The following VPS37C variants were observed in gnomAD, a reference collection of about 807,000 sequenced individuals.
VPS37C encodes the protein vacuolar protein sorting-associated protein 37C.
VPS37C carries 9 observed loss-of-function variants against 16.1 expected under a neutral mutation model. The observed-to-expected ratio is 0.56, with a 90% CI of 0.34 to 0.97. The LOEUF (loss-of-function observed/expected upper bound fraction) is 0.97, where lower values mean the gene tolerates loss of function less well. Ranked by LOEUF, VPS37C falls within the 50% of genes least tolerant of loss-of-function variation. The pLI is 0.02. For missense variants in VPS37C, 479 were observed against 472.7 expected (o/e 1.01, Z -0.12); for synonymous variants, 207 against 206.4 (o/e 1.00, Z -0.02).
chr11:61,138,473 GGCT>G (rs1861419633), intron 2 of VPS37C: 1 of 440,750 alleles, frequency 2.3e-6, no homozygotes, highest in South Asian at 3.0e-5. Flanking sequence ...TCCAGATTTG[GGCT>G]GGAACGACAG....
chr11:61,131,801 C>A lies in VPS37C; in HGVS notation c.*19G>T. 1 of 1,249,244 alleles carries A rather than the reference C, an allele frequency of 8.0e-7. No individual in the cohort carries two copies. The highest frequency in any genetic ancestry group is 4.0e-5 in the Admixed American group (1 of 24,892). The allele number at this position is 1,249,244 out of a possible 1,614,324, so 77.4% of individuals were successfully genotyped here. ...GAGCGTGGGTGGGACTAGGGAGGGGCCGAGGGCCAGGAGTGTGTCTAATAC... is the reference window on the plus strand; with the variant it reads ...GAGCGTGGGTGGGACTAGGGAGGGGACGAGGGCCAGGAGTGTGTCTAATAC... On this transcript the variant is annotated 3_prime_UTR_variant, in exon 5 of 5. Transcript: ENST00000301765.
chr11:61,137,787 A>G (rs1205355931), intron 2 of VPS37C, among the ~76,000 whole-genome samples: 1 of 152,058 alleles, frequency 6.6e-6, no homozygotes, highest in Non-Finnish European at 1.5e-5. Flanking sequence ...TTTCAACCCA[A>G]TGTTCAGTCA....
chr11:61,138,559 A>G (rs1459425692), intron 2 of VPS37C, 178 bp downstream of exon 2: 1 of 601,504 alleles, frequency 1.7e-6, no homozygotes, highest in East Asian at 2.9e-5. Flanking sequence ...ACTCCCAAGA[A>G]CTCCCAGGAA....
At chr11:61,150,954 C>T (rs1037373414) in intron 1 of VPS37C, among the ~76,000 whole-genome samples, 1 of 152,190 alleles carries the variant, frequency 6.6e-6, no homozygotes, top group African/African-American at 2.4e-5. Context: ...CCGGGTGTTC[C>T]GTACACAGCA....
intron 1 of VPS37C, among the ~76,000 whole-genome samples, chr11:61,151,908 C>A (rs1464775138): frequency 6.6e-6 from 1 of 152,168 alleles, no homozygotes; most frequent in East Asian, 1.9e-4. Flanking sequence ...TTTCTTTGGC[C>A]CATGACTGAC....
At chr11:61,138,572 G>C (rs1861421004) in intron 2 of VPS37C, 165 bp downstream of exon 2, 1 of 636,958 alleles carries the variant, frequency 1.6e-6, no homozygotes, top group Non-Finnish European at 2.7e-6. Context: ...CCCAGGAACT[G>C]GTCTGAAGCC....
Position 61,157,602 on chromosome 11 carries a change from G to A in VPS37C, c.-7+3789C>T, listed in dbSNP as rs972585099. 3.3e-5 allele frequency among the ~76,000 whole-genome samples: 5 copies of A among 152,222 alleles called. No homozygotes were observed. The East Asian group carries it at 9.7e-4, about 29-fold the overall frequency. ...GAATCGGGTTGTTTTTTGTTGTTGG[G>A]TAGTAGAAGTTCTTTACATACTCTG... On this transcript the variant is annotated intron_variant, in intron 1 of 4. Transcript: ENST00000301765.
At chr11:61,161,279 T>C (rs1853469336) in intron 1 of VPS37C, 112 bp downstream of exon 1, 1 of 152,002 alleles carries the variant, frequency 6.6e-6, no homozygotes, top group Non-Finnish European at 1.5e-5. Flanking sequence ...TCTGCCAGGA[T>C]GAGGCGGGCA....
chr11:61,152,607 C>T (rs1331230360), intron 1 of VPS37C, among the ~76,000 whole-genome samples: 1 of 152,166 alleles, frequency 6.6e-6, no homozygotes, highest in African/African-American at 2.4e-5. Context: ...TTGTGCTCCT[C>T]AGCTTGGTAT....
At chr11:61,148,369 G>A (rs540583562) in intron 1 of VPS37C, among the ~76,000 whole-genome samples, 1 of 152,246 alleles carries the variant, frequency 6.6e-6, no homozygotes, top group South Asian at 2.1e-4. Context: ...AGGGCAACTT[G>A]CAAAGTCCAA....
intron 1 of VPS37C, among the ~76,000 whole-genome samples, chr11:61,157,441 G>A (rs1380985711): frequency 6.6e-6 from 1 of 151,566 alleles, no homozygotes; most frequent in Admixed American, 6.6e-5. Context: ...CATCCTAATG[G>A]GTGAAGTGGT....
intron 1 of VPS37C, 31 bp from the exon 2 acceptor site, chr11:61,138,866 C>T: frequency 1.2e-6 from 2 of 1,607,730 alleles, no homozygotes; most frequent in Non-Finnish European, 8.5e-7. Flanking sequence ...AAGTAACGAA[C>T]AGGCAGCCCA....
At chr11:61,148,718 G>GT (rs1357462293) in intron 1 of VPS37C, among the ~76,000 whole-genome samples, 22 of 152,076 alleles carry the variant, frequency 1.4e-4, no homozygotes, top group Non-Finnish European at 2.5e-4. Flanking sequence ...ATTTTTTTGC[G>GT]TTTTTAGTTT....
intron 1 of VPS37C, among the ~76,000 whole-genome samples, chr11:61,145,710 C>T (rs1344188148): frequency 6.6e-6 from 1 of 152,206 alleles, no homozygotes; most frequent in African/African-American, 2.4e-5. Flanking sequence ...CTCCATCACC[C>T]AACGCAAGGG....
Position 61,147,701 on chromosome 11 carries a change from A to C in VPS37C, c.-6-8866T>G, listed in dbSNP as rs142458200. Among the ~76,000 whole-genome samples, 336 of 151,964 alleles carry C rather than the reference A, an allele frequency of 2.2e-3. 2 individuals carry two copies. Among genetic ancestry groups the C allele is most frequent in the African/African-American group, 7.5e-3 (312 of 41,490 alleles). ...CCTTTCCAAGGATAACCTTCAACAAAAAAAAAAAAGCTGGACTGCAAAATG... is the reference window on the plus strand; with the variant it reads ...CCTTTCCAAGGATAACCTTCAACAACAAAAAAAAAGCTGGACTGCAAAATG... On this transcript the variant is annotated intron_variant, in intron 1 of 4. Transcript: ENST00000301765.
chr11:61,159,939 G>C (rs1473341587), intron 1 of VPS37C, among the ~76,000 whole-genome samples: 2 of 149,072 alleles, frequency 1.3e-5, no homozygotes, highest in African/African-American at 2.5e-5. Flanking sequence ...TCCAAACTTG[G>C]CCACTTACTG....
At chr11:61,155,815 G>A (rs908027958) in intron 1 of VPS37C, among the ~76,000 whole-genome samples, 1 of 152,090 alleles carries the variant, frequency 6.6e-6, no homozygotes, top group East Asian at 1.9e-4. Context: ...AATGTTAAAC[G>A]AACAAGTAAA....
At position 61,138,721 on chromosome 11, in the gene VPS37C, A is replaced by G; in HGVS notation, c.93+16T>C. ...TCTGCTGGCCTCTGTTGGGTCCCATACCAGCCTCCCTCTACCTCAGGGGAC... is the reference window on the plus strand; with the variant it reads ...TCTGCTGGCCTCTGTTGGGTCCCATGCCAGCCTCCCTCTACCTCAGGGGAC... On this transcript the variant is annotated intron_variant, in intron 2 of 4. Coordinates refer to ENST00000301765, the MANE Select transcript of VPS37C (RefSeq NM_017966.5). The G allele has an allele frequency of 6.2e-7, 1 of 1,613,562 alleles. No individual in the cohort carries two copies. The highest frequency in any genetic ancestry group is 2.2e-5 in the East Asian group (1 of 44,872).
At chr11:61,158,402 AC>A (rs956078495) in intron 1 of VPS37C, among the ~76,000 whole-genome samples, 2 of 152,228 alleles carry the variant, frequency 1.3e-5, no homozygotes, top group African/African-American at 4.8e-5. Context: ...AGAACACTTG[AC>A]CCGGCAATAG....
Sources: gnomAD v4.1 joint callset for allele counts (sites outside exome capture counted in the v4.1 genomes callset) on GRCh38, gnomAD v4.1.1 for gene constraint, MANE v1.5 for transcripts, NCBI Gene and HGNC (gene_info 2026-07-23, HGNC 2026-07-21) for gene names.